Variants in VPS53 observed in about 807,000 individuals in gnomAD.
VPS53 encodes the protein vacuolar protein sorting-associated protein 53 homolog.
Under a neutral mutation model 107.0 loss-of-function variants are expected in VPS53, and 70 were observed. That is an observed-to-expected ratio of 0.65 (90% CI 0.54 to 0.80). The LOEUF (loss-of-function observed/expected upper bound fraction) is 0.80. VPS53 is among the 30% of genes least tolerant of loss of function. The probability of loss-of-function intolerance (pLI) is 0.00; values close to 1 mark genes in which losing one functional copy is unlikely to be tolerated. For missense variants in VPS53, 917 were observed against 1,049.4 expected (o/e 0.87, Z 1.74); for synonymous variants, 409 against 393.3 (o/e 1.04, Z -0.47).
intron 17 of VPS53, among the ~76,000 whole-genome samples, chr17:546,109 T>C (rs921034366): frequency 4.6e-5 from 7 of 152,194 alleles, no homozygotes; most frequent in African/African-American, 1.4e-4. Context: ...GTGAAAAGAA[T>C]AGTCGTTTCA....
intron 12 of VPS53, among the ~76,000 whole-genome samples, chr17:589,550 G>A (rs1967524096): frequency 6.6e-6 from 1 of 152,138 alleles, no homozygotes. Context: ...AACAATTGCT[G>A]AATCCAGAAG....
At chr17:674,213 G>A (rs1157595610) in intron 4 of VPS53, 5 of 152,098 alleles carry the variant, frequency 3.3e-5, no homozygotes, top group Non-Finnish European at 5.9e-5. Flanking sequence ...TTTGGAAATG[G>A]GGCACATTAA....
chr17:623,694 G>A lies in VPS53; in HGVS notation c.975-20C>T. The stretch of plus-strand genomic sequence containing the variant: ...TCTGCCCTTCAAAACAAAGAGATAA[G>A]AATACTATCAAACAAGCTGATCATT... On this transcript the variant is annotated intron_variant, in intron 10 of 21. Coordinates refer to ENST00000437048, the MANE Select transcript of VPS53 (RefSeq NM_001128159.3). 6.3e-7 allele frequency: 1 copy of A among 1,595,872 alleles called. No individual in the cohort carries two copies. Among genetic ancestry groups the A allele is most frequent in the Non-Finnish European group, 8.6e-7 (1 of 1,167,116 alleles).
rs1461629419 is a variant in VPS53 at position 562,683 on chromosome 17, G to A, written c.1376C>T (p.Pro459Leu). 6.2e-7 allele frequency: 1 copy of A among 1,613,488 alleles called. No homozygotes were observed. Among genetic ancestry groups the A allele is most frequent in the Non-Finnish European group, 8.5e-7 (1 of 1,179,916 alleles). Residue 459 changes from proline (P) to leucine (L), a missense_variant, in exon 14 of 22, where the codon CCC (proline) becomes CTC (leucine). Transcript: ENST00000437048. ...ADFKAQGPPK[P>L]NTDEGGAVLP... ...CACGGCACCCCCTTCATCAGTGTTG[G>A]GCTTAGGTGGCCCCTGGGCTTTGAA...
At chr17:564,719 G>GAA (rs71145752) in intron 13 of VPS53, among the ~76,000 whole-genome samples, 1 of 148,412 alleles carries the variant, frequency 6.7e-6, no homozygotes, top group East Asian at 2.0e-4. Context: ...TTGATATCTG[G>GAA]AAAAAAAAAA....
At chr17:710,684 A>C in intron 1 of VPS53, 71 bp from the exon 2 acceptor site, 1 of 1,279,630 alleles carries the variant, frequency 7.8e-7, no homozygotes, top group South Asian at 1.3e-5. Flanking sequence ...TTAATTTGTC[A>C]ATTAAAAGGA....
intron 3 of VPS53, 139 bp downstream of exon 3, chr17:699,192 T>A (rs1229316582): frequency 2.1e-5 from 11 of 524,956 alleles, no homozygotes; most frequent in Non-Finnish European, 3.0e-5. Context: ...ATAATAAAAA[T>A]TTTAAAAGGA....
At chr17:643,183 C>T (rs1328379155) in intron 7 of VPS53, among the ~76,000 whole-genome samples, 4 of 60,964 alleles carry the variant, frequency 6.6e-5, no homozygotes, top group African/African-American at 1.2e-4. Context: ...ACTTGGAAAG[C>T]GAGGACAACA....
chr17:593,808 G>C (rs545289783), intron 12 of VPS53, among the ~76,000 whole-genome samples: 140 of 152,152 alleles, frequency 9.2e-4, no homozygotes, highest in Non-Finnish European at 1.5e-3. Context: ...CCCATTACTG[G>C]GTATATACCC....
chr17:602,674 A>G (rs1968382045), intron 11 of VPS53, among the ~76,000 whole-genome samples: 1 of 152,200 alleles, frequency 6.6e-6, no homozygotes, highest in Admixed American at 6.5e-5. Context: ...CAGTAACTTC[A>G]TCTGCTGAAT....
chr17:550,730 C>T (rs1911741468), intron 17 of VPS53, among the ~76,000 whole-genome samples: 1 of 151,930 alleles, frequency 6.6e-6, no homozygotes, highest in African/African-American at 2.4e-5. Flanking sequence ...ATGGTCTGTG[C>T]ACTTACGGAA....
At chr17:636,502 A>G (rs1970203052) in intron 7 of VPS53, among the ~76,000 whole-genome samples, 1 of 152,222 alleles carries the variant, frequency 6.6e-6, no homozygotes, top group Admixed American at 6.5e-5. Flanking sequence ...GCCAGTTTTC[A>G]AAGGGAATGC....
intron 2 of VPS53, among the ~76,000 whole-genome samples, chr17:704,633 T>C (rs1386754626): frequency 6.6e-6 from 1 of 152,212 alleles, no homozygotes; most frequent in African/African-American, 2.4e-5. Context: ...GAAGTAAAGA[T>C]AACCCTGTGT....
At position 537,390 on chromosome 17, in the gene VPS53, A is replaced by G. The variant is rs533775848; in HGVS notation, c.1867-214T>C. On this transcript the variant is annotated intron_variant, in intron 17 of 21. Coordinates refer to ENST00000437048, the MANE Select transcript of VPS53 (RefSeq NM_001128159.3). ...CCAGCGGACCCGACAGTGAGGTGTG[A>G]CCCAGACCCTTTCCTTTTCCTGCCT... 90 of 540,398 alleles carry G rather than the reference A, an allele frequency of 1.7e-4. 1 individual carries two copies. The Admixed American group carries it at 2.8e-3, about 17-fold the overall frequency. The allele number at this position is 540,398 out of a possible 1,614,324, so 33.5% of individuals were successfully genotyped here.
intron 11 of VPS53, among the ~76,000 whole-genome samples, chr17:611,987 C>T (rs1464405217): frequency 6.6e-6 from 1 of 151,488 alleles, no homozygotes; most frequent in Non-Finnish European, 1.5e-5. Flanking sequence ...TACAGATATT[C>T]ACAGCAGTAT....
intron 7 of VPS53, among the ~76,000 whole-genome samples, chr17:644,603 C>CCT (rs56057901): frequency 4.0e-5 from 6 of 151,278 alleles, no homozygotes; most frequent in South Asian, 2.1e-4. Flanking sequence ...TTTTTTCCCC[C>CCT]GAGACGGGTC....
intron 7 of VPS53, among the ~76,000 whole-genome samples, chr17:646,179 G>T (rs553434233): frequency 2.6e-5 from 3 of 116,112 alleles, no homozygotes; most frequent in Middle Eastern, 6.8e-3. Flanking sequence ...TTCATACCAC[G>T]GACTGGAGAC....
chr17:554,956 G>A (rs775575407), intron 15 of VPS53, among the ~76,000 whole-genome samples: 5 of 152,104 alleles, frequency 3.3e-5, no homozygotes, highest in African/African-American at 7.2e-5. Flanking sequence ...ATGAGAGCCC[G>A]CTTTGTTCAG....
chr17:608,399 A>G (rs1051255871), intron 11 of VPS53, among the ~76,000 whole-genome samples: 1 of 152,146 alleles, frequency 6.6e-6, no homozygotes, highest in African/African-American at 2.4e-5. Context: ...CATGGGCAAC[A>G]CTTTCTATTT....
Sources: allele counts gnomAD v4.1 joint callset (sites outside exome capture counted in the v4.1 genomes callset), GRCh38; gene constraint gnomAD v4.1.1; transcripts MANE v1.5; gene names NCBI Gene and HGNC (gene_info 2026-07-23, HGNC 2026-07-21).